Variants in CDH20 observed in about 807,000 individuals in gnomAD.
The protein encoded by CDH20 is cadherin-20.
In CDH20, 29 loss-of-function variants were observed where a neutral mutation model predicts 74.2. That is an observed-to-expected ratio of 0.39 (90% CI 0.29 to 0.53). The LOEUF (loss-of-function observed/expected upper bound fraction) is 0.53, where lower values mean the gene tolerates loss of function less well. Among genes scored for constraint, CDH20 ranks in the 20% least tolerant of loss-of-function variants. CDH20 has a pLI of 0.69. For synonymous variants in CDH20, 469 were observed against 405.4 expected (o/e 1.16, Z -1.88); for missense variants, 988 against 1,048.3 (o/e 0.94, Z 0.79).
chr18:61,518,603 C>G (rs534975246), intron 6 of CDH20, among the ~76,000 whole-genome samples: 2 of 151,180 alleles, frequency 1.3e-5, no homozygotes, highest in African/African-American at 2.5e-5. Context: ...CACACAGAAA[C>G]CCCATCCAAA....
intron 2 of CDH20, among the ~76,000 whole-genome samples, chr18:61,492,354 C>T (rs1910988746): frequency 6.6e-6 from 1 of 152,116 alleles, no homozygotes; most frequent in South Asian, 2.1e-4. Flanking sequence ...TGGGCAAGTA[C>T]CTAGCCTCCC....
At chr18:61,351,292 T>TC (rs1052037700) in intron 1 of CDH20, among the ~76,000 whole-genome samples, 7 of 151,976 alleles carry the variant, frequency 4.6e-5, no homozygotes, top group African/African-American at 1.7e-4. Flanking sequence ...CCCATTTCAC[T>TC]CCCCCCATCC....
At chr18:61,525,647 G>A (rs919717711) in intron 6 of CDH20, among the ~76,000 whole-genome samples, 1 of 152,066 alleles carries the variant, frequency 6.6e-6, no homozygotes, top group Non-Finnish European at 1.5e-5. Flanking sequence ...CTCATGAAAC[G>A]GGAAGCACTA....
chr18:61,510,613 C>T (rs1274128213), intron 6 of CDH20, among the ~76,000 whole-genome samples: 1 of 152,128 alleles, frequency 6.6e-6, no homozygotes, highest in Admixed American at 6.5e-5. Context: ...TGCAATCAAT[C>T]ACAGCAAAGG....
chr18:61,432,617 G>A (rs567257636), intron 1 of CDH20, among the ~76,000 whole-genome samples: 1 of 152,252 alleles, frequency 6.6e-6, no homozygotes, highest in South Asian at 2.1e-4. Flanking sequence ...GTTTTGAAGG[G>A]CATTTTCCTC....
At chr18:61,422,479 C>T (rs761817485) in intron 1 of CDH20, among the ~76,000 whole-genome samples, 1 of 152,080 alleles carries the variant, frequency 6.6e-6, no homozygotes, top group Non-Finnish European at 1.5e-5. Flanking sequence ...TTTCTAATTA[C>T]TTTCTAGTTA....
At chr18:61,426,703 A>G (rs1913082249) in intron 1 of CDH20, among the ~76,000 whole-genome samples, 1 of 152,164 alleles carries the variant, frequency 6.6e-6, no homozygotes, top group Non-Finnish European at 1.5e-5. Flanking sequence ...TCAGCAGCAT[A>G]TTGTGTGATT....
intron 1 of CDH20, among the ~76,000 whole-genome samples, chr18:61,342,007 C>T (rs1909966951): frequency 6.6e-6 from 1 of 151,980 alleles, no homozygotes; most frequent in Non-Finnish European, 1.5e-5. Flanking sequence ...AATATTAATC[C>T]ATTTGGCAGT....
At chr18:61,376,621 AT>A (rs1382446132) in intron 1 of CDH20, among the ~76,000 whole-genome samples, 1 of 150,888 alleles carries the variant, frequency 6.6e-6, no homozygotes, top group Non-Finnish European at 1.5e-5. Context: ...AAAAGAGAAA[AT>A]AAAAATAAAC....
chr18:61,345,790 T>G (rs1910097968), intron 1 of CDH20, among the ~76,000 whole-genome samples: 1 of 152,174 alleles, frequency 6.6e-6, no homozygotes, highest in Non-Finnish European at 1.5e-5. Flanking sequence ...GAGTGCGAAC[T>G]AGGAGAGCAG....
At chr18:61,465,596 G>A (rs1160397539) in intron 1 of CDH20, among the ~76,000 whole-genome samples, 9 of 106,242 alleles carry the variant, frequency 8.5e-5, no homozygotes, top group Admixed American at 1.7e-4. Flanking sequence ...GAATTACATG[G>A]GGAAAAAAAA....
chr18:61,388,970 C>T (rs561557133), intron 1 of CDH20, among the ~76,000 whole-genome samples: 1 of 152,306 alleles, frequency 6.6e-6, no homozygotes, highest in Admixed American at 6.5e-5. Flanking sequence ...CACATGCCAT[C>T]GTTTATGCAA....
intron 1 of CDH20, among the ~76,000 whole-genome samples, chr18:61,371,857 C>G (rs1322708628): frequency 6.6e-6 from 1 of 152,070 alleles, no homozygotes; most frequent in Non-Finnish European, 1.5e-5. Flanking sequence ...ATAGATGACT[C>G]CAGTAGAGGA....
At chr18:61,532,161 C>A (rs748543749) in intron 7 of CDH20, among the ~76,000 whole-genome samples, 4 of 152,170 alleles carry the variant, frequency 2.6e-5, no homozygotes, top group Middle Eastern at 3.2e-3. Flanking sequence ...CCTAACCTGT[C>A]TACTCCTCAG....
chr18:61,542,533 C>T (rs150298595), intron 9 of CDH20, among the ~76,000 whole-genome samples: 39 of 152,286 alleles, frequency 2.6e-4, no homozygotes, highest in African/African-American at 9.1e-4. Flanking sequence ...TAGAGTTTCC[C>T]CAAGTTGAGA....
chr18:61,404,740 C>A, intron 1 of CDH20: 1 of 322,728 alleles, frequency 3.1e-6, no homozygotes, highest in Non-Finnish European at 5.7e-6. Context: ...AAAAGAGACC[C>A]TTTTCCTTGG....
chr18:61,478,359 G>C (rs368061736), intron 1 of CDH20, among the ~76,000 whole-genome samples: 4 of 151,920 alleles, frequency 2.6e-5, no homozygotes, highest in African/African-American at 9.7e-5. Flanking sequence ...ATAAGCCCTC[G>C]TTTTCTCTTG....
chr18:61,475,181 T>C (rs1313376416), intron 1 of CDH20, among the ~76,000 whole-genome samples: 2 of 152,136 alleles, frequency 1.3e-5, no homozygotes, highest in Non-Finnish European at 2.9e-5. Context: ...ACACCAGAAC[T>C]ATGGCAATGG....
In CDH20 at chr18:61,360,414, T is replaced by C. The variant is rs1234851542; in HGVS notation, c.-153+26587T>C. Among the ~76,000 whole-genome samples the C allele has an allele frequency of 2.0e-5, 3 of 152,118 alleles. 1 individual carries two copies. Among genetic ancestry groups the C allele is most frequent in the Non-Finnish European group, 4.4e-5 (3 of 68,022 alleles). On this transcript the variant is annotated intron_variant, in intron 1 of 11. Coordinates refer to ENST00000262717, the MANE Select transcript of CDH20 (RefSeq NM_031891.4). Reference sequence around the variant, plus strand: ...CTTCATTAACACTTAATGGAGGGAATACAAAATGAAAGACCCAATTCCTGC... The same window carrying C: ...CTTCATTAACACTTAATGGAGGGAACACAAAATGAAAGACCCAATTCCTGC...
Sources: allele counts gnomAD v4.1 joint callset (sites outside exome capture counted in the v4.1 genomes callset), GRCh38; gene constraint gnomAD v4.1.1; transcripts MANE v1.5; gene names NCBI Gene and HGNC (gene_info 2026-07-23, HGNC 2026-07-21).